The following SLC23A2 variants were observed in gnomAD, a reference collection of about 807,000 sequenced individuals.
SLC23A2 encodes the protein solute carrier family 23 member 2, also known as Na(+)/L-ascorbic acid transporter 2.
In SLC23A2, 36 loss-of-function variants were observed where a neutral mutation model predicts 73.3. That is an observed-to-expected ratio of 0.49 (90% CI 0.38 to 0.65). SLC23A2 has a LOEUF of 0.65. Among genes scored for constraint, SLC23A2 ranks in the 30% least tolerant of loss-of-function variants. SLC23A2 has a pLI of 0.00. For synonymous variants in SLC23A2, 343 were observed against 327.3 expected, an observed-to-expected ratio of 1.05 and a Z score of -0.52; for missense variants, 507 against 841.6, an observed-to-expected ratio of 0.60 and a Z score of 4.92.
In SLC23A2 at chr20:4,884,795, C is replaced by T. The variant is rs569941143; in HGVS notation, c.600G>A (p.Glu200=). Residue 200 remains glutamate (E), a synonymous_variant, in exon 8 of 17, where the codon GAG becomes GAA. Coordinates refer to ENST00000338244, the MANE Select transcript of SLC23A2 (RefSeq NM_005116.6). ...ACCAGATGTGTTCTGTGTGCAACAG[C>T]TCTGCTGTTCCATTGGCAACTGAAA... ...TDVSVANGTA[E]LLHTEHIWYP... 1.8e-4 allele frequency: 285 copies of T among 1,574,424 alleles called. 5 individuals are homozygous for T. The South Asian group carries it at 3.3e-3, about 18-fold the overall frequency.
chr20:4,867,965 A>C, intron 12 of SLC23A2, 90 bp from the exon 13 acceptor site: 4 of 755,652 alleles, frequency 5.3e-6, no homozygotes, highest in East Asian at 2.8e-5. Context: ...CAATCCAAAA[A>C]TGTGGTCCAG....
intron 3 of SLC23A2, among the ~76,000 whole-genome samples, chr20:4,927,528 A>T (rs1428525621): frequency 1.3e-5 from 2 of 152,136 alleles, no homozygotes; most frequent in African/African-American, 4.8e-5. Flanking sequence ...TATGTGTGTC[A>T]AGTCCCACAC....
At chr20:4,927,810 C>T (rs1441282347) in intron 3 of SLC23A2, among the ~76,000 whole-genome samples, 2 of 152,074 alleles carry the variant, frequency 1.3e-5, no homozygotes, top group Non-Finnish European at 2.9e-5. Context: ...TTGGTATCTC[C>T]CAGACCCACC....
At chr20:4,909,107 G>A (rs1932056158) in intron 4 of SLC23A2, among the ~76,000 whole-genome samples, 1 of 152,074 alleles carries the variant, frequency 6.6e-6, no homozygotes, top group South Asian at 2.1e-4. Context: ...TAACATCTGG[G>A]GCATCTGTTT....
intron 2 of SLC23A2, among the ~76,000 whole-genome samples, chr20:4,942,477 A>G (rs944978512): frequency 2.0e-5 from 3 of 152,186 alleles, no homozygotes; most frequent in Admixed American, 6.5e-5. Flanking sequence ...GTAGAAAAGT[A>G]AAATAAAATA....
chr20:4,901,171 T>C (rs1265718481), intron 5 of SLC23A2, among the ~76,000 whole-genome samples: 1 of 152,142 alleles, frequency 6.6e-6, no homozygotes, highest in Non-Finnish European at 1.5e-5. Flanking sequence ...CTCCTTTTGC[T>C]CTGACTCCTC....
In SLC23A2 at chr20:4,902,651, T is replaced by C. The variant is rs1931793913; in HGVS notation, c.208-93A>G. The stretch of plus-strand genomic sequence containing the variant: ...CAGGCCACTATTACAGAAAAACAAC[T>C]TTATCAAGTGGTTGCCATCTTCCTG... On this transcript the variant is annotated intron_variant, in intron 4 of 16. Transcript: ENST00000338244. This position sits in a 1 kb window ranked among gnomAD's most constrained non-coding sequence, Gnocchi z 4.0. 1 of 605,746 alleles carries C rather than the reference T, an allele frequency of 1.7e-6. No homozygotes were observed. The highest frequency in any genetic ancestry group is 2.9e-6 in the Non-Finnish European group (1 of 346,892). The allele number at this position is 605,746 out of a possible 1,614,324, so 37.5% of individuals were successfully genotyped here.
intron 1 of SLC23A2, among the ~76,000 whole-genome samples, chr20:5,007,051 CAACCT>C (rs2088199779): frequency 6.6e-6 from 1 of 151,684 alleles, no homozygotes; most frequent in African/African-American, 2.4e-5. Context: ...AACCTGAAAA[CAACCT>C]AAACATCCAT....
intron 2 of SLC23A2, among the ~76,000 whole-genome samples, chr20:4,949,910 G>A (rs182085435): frequency 2.4e-4 from 37 of 152,298 alleles, no homozygotes; most frequent in Admixed American, 2.1e-3. Context: ...CACCACTTCT[G>A]TGCCGGTGTC....
At chr20:4,858,089 A>G (rs571209960) in intron 16 of SLC23A2, among the ~76,000 whole-genome samples, 5 of 152,328 alleles carry the variant, frequency 3.3e-5, no homozygotes, top group African/African-American at 1.2e-4. Context: ...TTCATCAACC[A>G]GTCACTGCAC....
rs556710371 is a variant in SLC23A2 at position 4,930,279 on chromosome 20, C to T, written c.108+2176G>A. Among the ~76,000 whole-genome samples, 15 of 152,352 alleles carry T rather than the reference C, an allele frequency of 9.8e-5. No individual in the cohort carries two copies. The South Asian group carries it at 2.9e-3, about 29-fold the overall frequency. On this transcript the variant is annotated intron_variant, in intron 3 of 16. Coordinates refer to ENST00000338244, the MANE Select transcript of SLC23A2 (RefSeq NM_005116.6). ...CCCCCATGCATGAAACCTTCCCATT[C>T]ACTCTTCAAGTTCATCTAATTTAAT...
chr20:4,938,058 T>C (rs1480455784), intron 2 of SLC23A2, among the ~76,000 whole-genome samples: 1 of 148,738 alleles, frequency 6.7e-6, no homozygotes, highest in Non-Finnish European at 1.5e-5. Context: ...TGAGATAGGA[T>C]CTCACTCTGT....
chr20:4,862,696 C>T lies in SLC23A2; in HGVS notation c.1486+82G>A. On this transcript the variant is annotated intron_variant, in intron 14 of 16. Coordinates refer to ENST00000338244, the MANE Select transcript of SLC23A2 (RefSeq NM_005116.6). The surrounding 1 kb of genome is among the most constrained non-coding windows in gnomAD (Gnocchi z 5.1). Reference sequence around the variant, plus strand: ...ATAGAAATTTATCGTTACCTTCTTACTGAAGGGAGTCAGCAAAAACACCAT... The same window carrying T: ...ATAGAAATTTATCGTTACCTTCTTATTGAAGGGAGTCAGCAAAAACACCAT... 5 of 1,262,944 alleles carry T rather than the reference C, an allele frequency of 4.0e-6. No individual in the cohort carries two copies. In the South Asian group the frequency reaches 7.1e-5, roughly 18 times the overall value. 78.2% of individuals were successfully genotyped at this position (1,262,944 alleles called of 1,614,324 possible). A position where few individuals can be genotyped will look rare whatever the true frequency, so the allele number is the denominator to read the frequency against.
intron 3 of SLC23A2, among the ~76,000 whole-genome samples, chr20:4,923,504 A>C (rs1448900275): frequency 1.3e-5 from 2 of 152,212 alleles, no homozygotes; most frequent in African/African-American, 4.8e-5. Flanking sequence ...GCAGTATATT[A>C]AAACTCTCAT....
chr20:5,001,051 G>A (rs1298512327), intron 1 of SLC23A2, among the ~76,000 whole-genome samples: 1 of 152,104 alleles, frequency 6.6e-6, no homozygotes, highest in Non-Finnish European at 1.5e-5. Context: ...GCGGCAGCCA[G>A]TGGGGTTCTG....
intron 1 of SLC23A2, among the ~76,000 whole-genome samples, chr20:4,978,729 C>G (rs1267827369): frequency 6.6e-6 from 1 of 152,156 alleles, no homozygotes; most frequent in African/African-American, 2.4e-5. Context: ...CATGTAGTAC[C>G]TATTCTGAGC....
chr20:5,007,303 G>C (rs889246909), intron 1 of SLC23A2, among the ~76,000 whole-genome samples: 9 of 152,152 alleles, frequency 5.9e-5, no homozygotes, highest in Non-Finnish European at 1.3e-4. Context: ...GGCCGACACA[G>C]GTGGACCACT....
At chr20:5,003,214 T>A (rs1227115713), upstream of SLC23A2, among the ~76,000 whole-genome samples, 1 of 151,918 alleles carries the variant, frequency 6.6e-6, no homozygotes, top group Non-Finnish European at 1.5e-5. Flanking sequence ...AAACCCCGTC[T>A]CTACTAAAAA....
intron 1 of SLC23A2, among the ~76,000 whole-genome samples, chr20:4,988,610 C>G (rs1297595382): frequency 6.6e-6 from 1 of 151,914 alleles, no homozygotes; most frequent in African/African-American, 2.4e-5. Context: ...GTGGCACACA[C>G]CTGTAGTCCC....
Sources: gnomAD v4.1 joint callset for allele counts (sites outside exome capture counted in the v4.1 genomes callset) on GRCh38, gnomAD v4.1.1 for gene constraint, Gnocchi (gnomAD v3.1) non-coding constraint, MANE v1.5 for transcripts, NCBI Gene and HGNC (gene_info 2026-07-23, HGNC 2026-07-21) for gene names.